USH1C: variants seen among roughly 807,000 people sequenced by gnomAD.
USH1C encodes harmonin.
In USH1C, 90 loss-of-function variants were observed where a neutral mutation model predicts 119.3. The observed-to-expected ratio is 0.75, with a 90% CI of 0.64 to 0.90. USH1C has a LOEUF of 0.90. Among genes scored for constraint, USH1C ranks in the 40% least tolerant of loss-of-function variants. The pLI is 0.00. For synonymous variants in USH1C, 465 were observed against 443.3 expected, an observed-to-expected ratio of 1.05 and a Z score of -0.62; for missense variants, 1,165 against 1,167.7, an observed-to-expected ratio of 1.00 and a Z score of 0.03.
rs538143416 is a variant in USH1C, at chr11:17,507,045, C to T, written c.2014-1096G>A. On this transcript the variant is annotated intron_variant, in intron 18 of 26. Coordinates refer to ENST00000005226, the MANE Select transcript of USH1C (RefSeq NM_153676.4). ...CTGGCCCTGAAAACCCCCCTATGGC[C>T]GGTGCTGGTGTGGCAGGCACAAGTG... Among the ~76,000 whole-genome samples, 5 of 152,316 alleles carry T rather than the reference C, an allele frequency of 3.3e-5. No individual in the cohort carries two copies. The South Asian group carries it at 8.3e-4, about 25-fold the overall frequency.
chr11:17,508,617 A>G (rs1335371780), intron 18 of USH1C, among the ~76,000 whole-genome samples: 2 of 152,224 alleles, frequency 1.3e-5, no homozygotes, highest in Non-Finnish European at 2.9e-5. Flanking sequence ...GCATGTTTCA[A>G]AATAGTCTTT....
intron 15 of USH1C, among the ~76,000 whole-genome samples, chr11:17,514,215 ATATTAT>A: frequency 6.6e-6 from 1 of 152,218 alleles, no homozygotes; most frequent in African/African-American, 2.4e-5. Flanking sequence ...CTGAATCTTT[ATATTAT>A]TATTATTATT....
chr11:17,498,391 G>T, intron 23 of USH1C, 120 bp from the exon 24 acceptor site: 2 of 945,068 alleles, frequency 2.1e-6, no homozygotes, highest in Non-Finnish European at 3.5e-6. Flanking sequence ...GGTTCTGAAA[G>T]CTCATGTGGA....
intron 18 of USH1C, among the ~76,000 whole-genome samples, chr11:17,508,848 C>T (rs1591976654): frequency 6.6e-6 from 1 of 152,174 alleles, no homozygotes; most frequent in South Asian, 2.1e-4. Context: ...ACTGGAATGT[C>T]CTAATACTGC....
chr11:17,514,603 G>C (rs1356645361), intron 15 of USH1C: 1 of 152,136 alleles, frequency 6.6e-6, no homozygotes, highest in Non-Finnish European at 1.5e-5. Context: ...CCAGCTGCTG[G>C]GAGACAAAGA....
chr11:17,527,430 G>T, intron 4 of USH1C, 99 bp from the exon 5 acceptor site: 1 of 998,864 alleles, frequency 1.0e-6, no homozygotes, highest in Non-Finnish European at 1.6e-6. Flanking sequence ...TCCGGAAAAG[G>T]GAAGGGTGGC....
intron 4 of USH1C, 44 bp from the exon 5 acceptor site, chr11:17,527,375 T>C: frequency 6.7e-7 from 1 of 1,489,252 alleles, no homozygotes; most frequent in South Asian, 1.1e-5. Flanking sequence ...GGAGGGAGCA[T>C]CAGGCAGTGG....
intron 13 of USH1C, 115 bp downstream of exon 13, chr11:17,521,231 C>T (rs1850399293): frequency 5.0e-6 from 6 of 1,192,918 alleles, no homozygotes; most frequent in Admixed American, 1.7e-5. Context: ...AAGGAGGACC[C>T]ACCAGGGGAT....
At chr11:17,526,031 T>A (rs972706211) in intron 8 of USH1C, among the ~76,000 whole-genome samples, 2 of 151,872 alleles carry the variant, frequency 1.3e-5, no homozygotes, top group African/African-American at 4.8e-5. Context: ...CAAAACTCCA[T>A]CTCTACAAAA....
At position 17,533,341 on chromosome 11, in the gene USH1C, G is replaced by A. The variant is rs779059520; in HGVS notation, c.37-19C>T. The A allele has an allele frequency of 5.1e-6, 8 of 1,582,188 alleles. No homozygotes were observed. The highest frequency in any genetic ancestry group is 6.9e-6 in the Non-Finnish European group (8 of 1,154,550). On this transcript the variant is annotated intron_variant, in intron 1 of 26. Coordinates refer to ENST00000005226, the MANE Select transcript of USH1C (RefSeq NM_153676.4). ...AATCCACCTGGAAAATCCAATAGCA[G>A]AATCACAGCTCCAGGCTCAGCACCC...
At chr11:17,496,116 G>T (rs930689799) in intron 25 of USH1C, among the ~76,000 whole-genome samples, 2 of 151,970 alleles carry the variant, frequency 1.3e-5, no homozygotes, top group African/African-American at 4.8e-5. Context: ...CAGTGAGAGA[G>T]AAAGGGGACC....
At chr11:17,521,738 A>G (rs1321935321) in intron 12 of USH1C, among the ~76,000 whole-genome samples, 1 of 152,214 alleles carries the variant, frequency 6.6e-6, no homozygotes, top group African/African-American at 2.4e-5. Context: ...TGACCCCAGG[A>G]GCAAAGCAGG....
chr11:17,517,588 C>T, intron 14 of USH1C: 2 of 1,041,966 alleles, frequency 1.9e-6, no homozygotes, highest in Non-Finnish European at 2.9e-6. Context: ...TCCATGGGAG[C>T]TGTGAGGTCA....
chr11:17,536,912 CA>C (rs1363931644), intron 1 of USH1C, among the ~76,000 whole-genome samples: 7 of 152,188 alleles, frequency 4.6e-5, no homozygotes, highest in Non-Finnish European at 1.0e-4. Context: ...GATAGATCAT[CA>C]AAAACTTGAA....
chr11:17,511,904 C>T lies in USH1C; in HGVS notation c.1411G>A (p.Glu471Lys). 1 of 1,613,572 alleles carries T rather than the reference C, an allele frequency of 6.2e-7. No individual in the cohort carries two copies. The highest frequency in any genetic ancestry group is 1.7e-5 in the Admixed American group (1 of 59,888). ...TGGCCTGCAGGCAGGACACATACCTCCTGGGCCAGCCGGTTGATCTTTAGC... is the reference window on the plus strand; with the variant it reads ...TGGCCTGCAGGCAGGACACATACCTTCTGGGCCAGCCGGTTGATCTTTAGC... The part of the protein sequence containing the change: ...KQLKINRLAQ[E>K]VSETEREDLE... The change falls in exon 16 of 27, where the codon GAG becomes AAG. Residue 471 changes from glutamate to lysine, a missense_variant and splice_region_variant. Coordinates refer to ENST00000005226, the MANE Select transcript of USH1C (RefSeq NM_153676.4).
chr11:17,509,434 C>A lies in USH1C; in HGVS notation c.1935G>T (p.Glu645Asp), dbSNP rs1177025618. 1.2e-6 allele frequency: 2 copies of A among 1,610,094 alleles called. No individual in the cohort carries two copies. Among genetic ancestry groups the A allele is most frequent in the African/African-American group, 2.7e-5 (2 of 74,846 alleles). The change falls in exon 18 of 27, where the codon GAG becomes GAT. Residue 645 changes from glutamate (E) to aspartate (D), a missense_variant. Glu to Asp is a conservative substitution (Grantham distance 45). Coordinates refer to ENST00000005226, the MANE Select transcript of USH1C (RefSeq NM_153676.4). ...CACTGTGGTTCTTTGCCTCCCAGTC[C>A]TCCACTGGATTGCCTGTGTCCCCAG... ...FRTGDTGNPV[E>D]DWEAKNHSGK... is the part of the protein sequence containing the mutation.
intron 24 of USH1C, 43 bp from the exon 25 acceptor site, chr11:17,496,856 A>G (rs750664039): frequency 4.3e-6 from 7 of 1,610,288 alleles, no homozygotes; most frequent in Non-Finnish European, 5.9e-6. Context: ...ACTCAGTTGG[A>G]TGGTGCATCT....
chr11:17,543,779 A>G (rs1280826350), intron 1 of USH1C, among the ~76,000 whole-genome samples: 1 of 152,102 alleles, frequency 6.6e-6, no homozygotes, highest in Non-Finnish European at 1.5e-5. Context: ...AAACGCCCTT[A>G]GGCAGGCAGG....
chr11:17,538,770 G>A (rs1851330476), intron 1 of USH1C, among the ~76,000 whole-genome samples: 1 of 152,078 alleles, frequency 6.6e-6, no homozygotes, highest in Non-Finnish European at 1.5e-5. Context: ...GAGAGGCGTG[G>A]GGAGACAGGA....
Sources: allele counts gnomAD v4.1 joint callset (sites outside exome capture counted in the v4.1 genomes callset), GRCh38; gene constraint gnomAD v4.1.1; transcripts MANE v1.5; gene names NCBI Gene and HGNC (gene_info 2026-07-23, HGNC 2026-07-21).